The following PTTG1IP variants were observed in gnomAD, a reference collection of about 807,000 sequenced individuals.
The protein encoded by PTTG1IP is pituitary tumor-transforming gene 1 protein-interacting protein.
PTTG1IP carries 16 observed loss-of-function variants against 24.4 expected under a neutral mutation model. That is an observed-to-expected ratio of 0.66 (90% CI 0.44 to 1.00). The LOEUF is 1.00. Among genes scored for constraint, PTTG1IP ranks in the 50% least tolerant of loss-of-function variants. PTTG1IP has a pLI of 0.00. For missense variants in PTTG1IP, 241 were observed against 245.8 expected (o/e 0.98, Z 0.13); for synonymous variants, 89 against 96.8 (o/e 0.92, Z 0.47).
chr21:44,873,559 C>T lies in PTTG1IP; in HGVS notation c.58G>A (p.Ala20Thr). The T allele has an allele frequency of 6.8e-7, 1 of 1,472,456 alleles. No homozygotes were observed. Among genetic ancestry groups the T allele is most frequent in the East Asian group, 3.0e-5 (1 of 33,280 alleles). The allele number at this position is 1,472,456 out of a possible 1,614,324, so 91.2% of individuals were successfully genotyped here. A position where few individuals can be genotyped will look rare whatever the true frequency, so the allele number is the denominator to read the frequency against. Residue 20 changes from alanine to threonine, a missense_variant, in exon 1 of 6, where the codon GCC (alanine) becomes ACC (threonine). Physicochemically the swap from Ala to Thr is moderately conservative, Grantham distance 58. Transcript: ENST00000330938. ...GGGATGAGCAGCAGGAGCAGCGCGG[C>T]GCCACCGAGGCGCAACCTCCAGTAC... is the stretch of plus-strand genomic sequence containing the variant. ...TPYWRLRLGGAALLLLLIPVA... is the reference protein window; with the variant it reads ...TPYWRLRLGGTALLLLLIPVA...
intron 3 of PTTG1IP, among the ~76,000 whole-genome samples, chr21:44,860,145 G>GA (rs2083479029): frequency 6.6e-6 from 1 of 152,206 alleles, no homozygotes; most frequent in Admixed American, 6.5e-5. Flanking sequence ...GAGGTGGGCA[G>GA]ATCATGAGGT....
chr21:44,870,815 A>C (rs1383769731), intron 1 of PTTG1IP, among the ~76,000 whole-genome samples: 1 of 152,204 alleles, frequency 6.6e-6, no homozygotes, highest in Non-Finnish European at 1.5e-5. Flanking sequence ...TAAAGGAAAA[A>C]ACAACAACAA....
chr21:44,867,943 A>G (rs954598454), intron 1 of PTTG1IP, among the ~76,000 whole-genome samples: 3 of 152,234 alleles, frequency 2.0e-5, no homozygotes, highest in Non-Finnish European at 4.4e-5. Flanking sequence ...TTCTGAATAA[A>G]TCTCCACTTT....
At chr21:44,864,930 A>T (rs905242028) in intron 2 of PTTG1IP, among the ~76,000 whole-genome samples, 1 of 152,130 alleles carries the variant, frequency 6.6e-6, no homozygotes, top group African/African-American at 2.4e-5. Flanking sequence ...ACGACCAGAG[A>T]GTGCTATGGA....
intron 5 of PTTG1IP, among the ~76,000 whole-genome samples, chr21:44,852,806 G>A (rs1040409888): frequency 2.0e-5 from 3 of 152,142 alleles, no homozygotes; most frequent in Admixed American, 2.0e-4. Flanking sequence ...GGGTTTTTGC[G>A]TGCGTGCTGG....
At chr21:44,867,482 G>A (rs1337656898) in intron 1 of PTTG1IP, among the ~76,000 whole-genome samples, 1 of 152,216 alleles carries the variant, frequency 6.6e-6, no homozygotes, top group African/African-American at 2.4e-5. Context: ...TGTCTCGGTC[G>A]CGGCTATGTG....
Position 44,861,224 on chromosome 21 carries a change from T to C in PTTG1IP, c.216A>G (p.Thr72=), listed in dbSNP as rs2083489445. Residue 72 remains threonine, a synonymous_variant, in exon 3 of 6, where the codon ACA becomes ACG. Transcript: ENST00000330938. ...TNKACLDYPV[T]SVLPPASLCK... is the part of the protein sequence containing the mutation. ...AAAGGGAAGCCGGTGGCAAGACGCT[T>C]GTAACTGGGTAGTCCAGACAAGCCT... The C allele has an allele frequency of 1.9e-6, 3 of 1,614,134 alleles. No homozygotes were observed. Among genetic ancestry groups the C allele is most frequent in the African/African-American group, 1.3e-5 (1 of 75,046 alleles).
chr21:44,871,204 C>T (rs1355021580), intron 1 of PTTG1IP, among the ~76,000 whole-genome samples: 1 of 152,156 alleles, frequency 6.6e-6, no homozygotes, highest in African/African-American at 2.4e-5. Context: ...CCTATGTACA[C>T]TGTAGCACTC....
chr21:44,864,249 G>A (rs956802590), intron 2 of PTTG1IP, among the ~76,000 whole-genome samples: 6 of 152,338 alleles, frequency 3.9e-5, no homozygotes, highest in African/African-American at 1.2e-4. Context: ...GGTTTCCCGT[G>A]CTGATTTCAT....
At chr21:44,867,204 G>A (rs991854686) in intron 1 of PTTG1IP, among the ~76,000 whole-genome samples, 3 of 152,344 alleles carry the variant, frequency 2.0e-5, no homozygotes, top group Middle Eastern at 3.4e-3. Context: ...GCTGTTTTAC[G>A]TGTCTCTCCT....
chr21:44,865,177 C>T (rs1417615432), intron 2 of PTTG1IP, among the ~76,000 whole-genome samples: 3 of 152,250 alleles, frequency 2.0e-5, no homozygotes, highest in Non-Finnish European at 4.4e-5. Flanking sequence ...ATCATGGATA[C>T]TGACCATGCT....
chr21:44,859,924 A>C (rs1471874383), intron 3 of PTTG1IP, among the ~76,000 whole-genome samples: 1 of 152,234 alleles, frequency 6.6e-6, no homozygotes, highest in Non-Finnish European at 1.5e-5. Context: ...AAACAAAAAG[A>C]ATCATCAAAA....
At chr21:44,870,525 CAAAAAAAAAAAA>C (rs60436978) in intron 1 of PTTG1IP, among the ~76,000 whole-genome samples, 3 of 76,964 alleles carry the variant, frequency 3.9e-5, no homozygotes, top group Admixed American at 1.7e-4. Flanking sequence ...GACTCCATCT[CAAAAAAAAAAAA>C]AAAAAAAAAA....
Position 44,861,196 on chromosome 21 carries a change from T to C in PTTG1IP, c.244A>G (p.Lys82Glu). 1 of 1,614,130 alleles carries C rather than the reference T, an allele frequency of 6.2e-7. No individual in the cohort carries two copies. Residue 82 changes from lysine to glutamate, a missense_variant, in exon 3 of 6, where the codon AAA becomes GAA. Physicochemically the swap from Lys to Glu is moderately conservative, Grantham distance 56. Coordinates refer to ENST00000330938, the MANE Select transcript of PTTG1IP (RefSeq NM_004339.4). ...TSVLPPASLCKLSSARWGVCW... is the reference protein window; with the variant it reads ...TSVLPPASLCELSSARWGVCW... ...ACTCCCCAGCGTGCAGAGCTCAATT[T>C]ACAAAGGGAAGCCGGTGGCAAGACG...
chr21:44,865,909 G>A (rs561403171), intron 1 of PTTG1IP: 6 of 237,520 alleles, frequency 2.5e-5, no homozygotes, highest in Non-Finnish European at 5.0e-5. Flanking sequence ...TTGTGTCTTT[G>A]GACTCACCTA....
chr21:44,869,255 A>G (rs1365020148), intron 1 of PTTG1IP, among the ~76,000 whole-genome samples: 1 of 152,244 alleles, frequency 6.6e-6, no homozygotes, highest in Non-Finnish European at 1.5e-5. Context: ...TTAAATTTGT[A>G]TATGGATTGT....
intron 3 of PTTG1IP, 57 bp downstream of exon 3, chr21:44,861,106 C>T: frequency 6.6e-7 from 1 of 1,504,618 alleles, no homozygotes; most frequent in East Asian, 2.3e-5. Flanking sequence ...CCGGCCCATA[C>T]TACTATTTTC....
At chr21:44,863,485 C>T (rs2083510674) in intron 2 of PTTG1IP, among the ~76,000 whole-genome samples, 1 of 152,240 alleles carries the variant, frequency 6.6e-6, no homozygotes, top group Non-Finnish European at 1.5e-5. Context: ...GAACTGGAGT[C>T]AGGCCTTCAG....
intron 3 of PTTG1IP, among the ~76,000 whole-genome samples, chr21:44,858,149 G>A (rs541936826): frequency 6.6e-6 from 1 of 152,226 alleles, no homozygotes; most frequent in East Asian, 1.9e-4. Context: ...CTGAAAGAGA[G>A]GCATCTTTGC....
Sources: allele counts gnomAD v4.1 joint callset (sites outside exome capture counted in the v4.1 genomes callset), GRCh38; gene constraint gnomAD v4.1.1; transcripts MANE v1.5; gene names NCBI Gene and HGNC (gene_info 2026-07-23, HGNC 2026-07-21).